Variants in GABRA3 observed in about 807,000 individuals in gnomAD.
GABRA3 encodes gamma-aminobutyric acid receptor subunit alpha-3.
A neutral mutation model predicts 30.1 loss-of-function variants in GABRA3; 10 were observed. That is an observed-to-expected ratio of 0.33 (90% confidence interval 0.20 to 0.56). GABRA3 has a LOEUF of 0.56. GABRA3 is among the 20% of genes least tolerant of loss of function. GABRA3 has a pLI of 0.89. For missense variants in GABRA3, 233 were observed against 392.0 expected (o/e 0.59, Z 3.42); for synonymous variants, 151 against 146.8 (o/e 1.03, Z -0.21).
At chrX:152,397,250 A>G (rs1929684499) in intron 1 of GABRA3, among the ~76,000 whole-genome samples, 1 of 112,093 alleles carries the variant, frequency 8.9e-6, no homozygotes, top group Non-Finnish European at 1.9e-5. Flanking sequence ...CAGTGATCAA[A>G]TAACTTATGG....
At chrX:152,289,698 G>A (rs1238707213) in intron 3 of GABRA3, among the ~76,000 whole-genome samples, 1 of 109,115 alleles carries the variant, frequency 9.2e-6, no homozygotes, top group Non-Finnish European at 1.9e-5. Context: ...CCTGGGATGT[G>A]ATGTTCCCTG....
chrX:152,229,556 G>T (rs894193872), intron 5 of GABRA3, among the ~76,000 whole-genome samples: 7 of 110,498 alleles, frequency 6.3e-5, no homozygotes, highest in Non-Finnish European at 1.1e-4. Context: ...TGGGGAAAGA[G>T]CATTCAAGTT....
Position 152,338,871 on chromosome X carries a change from T to C in GABRA3, c.262+6710A>G, listed in dbSNP as rs924701290. Among the ~76,000 whole-genome samples, 38 of 105,787 alleles carry C rather than the reference T, an allele frequency of 3.6e-4. 1 individual carries two copies. Among genetic ancestry groups the C allele is most frequent in the Admixed American group, 9.9e-4 (10 of 10,122 alleles). The allele number at this position is 105,787 out of a possible 115,157, so 91.9% of individuals were successfully genotyped here. ...TGTGGATTTATATGTGGGTTTTCTA[T>C]TCTGTTCCACTGGTTTATGTGTCAG... On this transcript the variant is annotated intron_variant, in intron 3 of 9. Coordinates refer to ENST00000370314, the MANE Select transcript of GABRA3 (RefSeq NM_000808.4).
chrX:152,314,649 C>T (rs981718811), intron 3 of GABRA3, among the ~76,000 whole-genome samples: 2 of 111,895 alleles, frequency 1.8e-5, no homozygotes, highest in South Asian at 7.4e-4. Context: ...ATGTGCTATT[C>T]CCTCCACCTG....
At chrX:152,242,980 G>A (rs1031941192) in intron 5 of GABRA3, among the ~76,000 whole-genome samples, 1 of 111,959 alleles carries the variant, frequency 8.9e-6, no homozygotes, top group Non-Finnish European at 1.9e-5. Flanking sequence ...ATTCATTGGT[G>A]GATAAATGGA....
chrX:152,295,392 C>T (rs976195338), intron 3 of GABRA3, among the ~76,000 whole-genome samples: 3 of 113,046 alleles, frequency 2.7e-5, no homozygotes, highest in African/African-American at 9.6e-5. Context: ...CCTGCTCAAG[C>T]CTCACCAATG....
chrX:152,374,653 T>C (rs1006003600), intron 1 of GABRA3, among the ~76,000 whole-genome samples: 3 of 111,992 alleles, frequency 2.7e-5, no homozygotes, highest in Admixed American at 9.5e-5. Context: ...CTTGGCCCAA[T>C]TTTTGCTTTT....
chrX:152,171,293 T>C (rs1936999021), intron 9 of GABRA3: 3 of 200,836 alleles, frequency 1.5e-5, no homozygotes, highest in South Asian at 4.7e-4. Flanking sequence ...AGGCACTTTA[T>C]GTTCTATAGA....
chrX:152,393,634 A>G (rs971455110), intron 1 of GABRA3: 1 of 245,028 alleles, frequency 4.1e-6, no homozygotes, highest in African/African-American at 3.0e-5. Context: ...TTATTTAGGC[A>G]AACAGCATAT....
intron 4 of GABRA3, among the ~76,000 whole-genome samples, chrX:152,280,818 C>T (rs1353942331): frequency 1.8e-5 from 2 of 111,051 alleles, no homozygotes; most frequent in Non-Finnish European, 3.8e-5. Flanking sequence ...CAAAGTATTC[C>T]TGGGGAGAGG....
intron 4 of GABRA3, among the ~76,000 whole-genome samples, chrX:152,276,250 C>T (rs1939083161): frequency 9.0e-6 from 1 of 111,422 alleles, no homozygotes; most frequent in African/African-American, 3.3e-5. Flanking sequence ...ACAGATTGAC[C>T]ACTAAACATA....
intron 3 of GABRA3, among the ~76,000 whole-genome samples, chrX:152,305,118 AT>A (rs758625113): frequency 1.2e-4 from 13 of 111,111 alleles, no homozygotes; most frequent in Admixed American, 1.9e-4. Flanking sequence ...TATGTACCAC[AT>A]TTTCTTTATC....
intron 9 of GABRA3, 101 bp from the exon 10 acceptor site, chrX:152,168,664 G>T: frequency 1.6e-6 from 1 of 645,054 alleles, no homozygotes; most frequent in Non-Finnish European, 2.4e-6. Flanking sequence ...GAGGAGCCAT[G>T]AGGGAAGTTA....
At chrX:152,239,753 CTTCT>C (rs1444834575) in intron 5 of GABRA3, among the ~76,000 whole-genome samples, 1 of 102,946 alleles carries the variant, frequency 9.7e-6, no homozygotes, top group Non-Finnish European at 1.9e-5. Flanking sequence ...ATGTAATGGC[CTTCT>C]TTGTCTCTTT....
At chrX:152,240,171 C>T (rs1464957504) in intron 5 of GABRA3, among the ~76,000 whole-genome samples, 3 of 104,690 alleles carry the variant, frequency 2.9e-5, no homozygotes, top group African/African-American at 1.1e-4. Context: ...CCTTCAGGAG[C>T]ACTTTTAGGG....
At chrX:152,435,749 TAATAA>T (rs930000793) in intron 1 of GABRA3, among the ~76,000 whole-genome samples, 27 of 111,064 alleles carry the variant, frequency 2.4e-4, no homozygotes, top group African/African-American at 8.8e-4. Context: ...AAAGGAATAA[TAATAA>T]AATACAGAAA....
intron 3 of GABRA3, among the ~76,000 whole-genome samples, chrX:152,341,824 G>A (rs1176770783): frequency 9.0e-6 from 1 of 110,915 alleles, no homozygotes; most frequent in African/African-American, 3.3e-5. Flanking sequence ...ACAGGCATGA[G>A]CCACCATGCC....
chrX:152,325,197 G>A (rs748203847), intron 3 of GABRA3, among the ~76,000 whole-genome samples: 1 of 111,769 alleles, frequency 8.9e-6, no homozygotes, highest in South Asian at 3.8e-4. Flanking sequence ...GGGAGAAAAA[G>A]GCCCAAGGTC....
At chrX:152,231,707 A>T (rs772939425) in intron 5 of GABRA3, among the ~76,000 whole-genome samples, 1 of 111,780 alleles carries the variant, frequency 8.9e-6, no homozygotes. Context: ...CATATGTCCA[A>T]AGAAAGACCT....
Sources: allele counts gnomAD v4.1 joint callset (sites outside exome capture counted in the v4.1 genomes callset), GRCh38; gene constraint gnomAD v4.1.1; transcripts MANE v1.5; gene names NCBI Gene and HGNC (gene_info 2026-07-23, HGNC 2026-07-21).